The following TBXAS1 variants were observed in gnomAD, a reference collection of about 807,000 sequenced individuals.
TBXAS1 encodes thromboxane A synthase 1, also known as thromboxane-A synthase.
Under a neutral mutation model 60.7 loss-of-function variants are expected in TBXAS1, and 48 were observed. The ratio of observed to expected loss-of-function variants is 0.79; its 90% CI spans 0.63 to 1.01. The LOEUF (loss-of-function observed/expected upper bound fraction) is 1.01, where lower values mean the gene tolerates loss of function less well. Among genes scored for constraint, TBXAS1 ranks in the 50% least tolerant of loss-of-function variants. TBXAS1 has a pLI of 0.00. For synonymous variants in TBXAS1, 287 were observed against 269.7 expected (o/e 1.06, Z -0.63); for missense variants, 685 against 686.3 (o/e 1.00, Z 0.02).
chr7:139,938,064 A>G (rs746927446), intron 5 of TBXAS1, among the ~76,000 whole-genome samples: 14 of 152,226 alleles, frequency 9.2e-5, no homozygotes, highest in Non-Finnish European at 1.9e-4. Context: ...TGAAAAATAG[A>G]GTCCCCATCT....
At chr7:139,978,083 C>T (rs1233024535) in intron 9 of TBXAS1, among the ~76,000 whole-genome samples, 1 of 152,112 alleles carries the variant, frequency 6.6e-6, no homozygotes, top group Non-Finnish European at 1.5e-5. Flanking sequence ...GCCAGCTGTT[C>T]CTCTGTGGGG....
At chr7:139,984,506 G>T (rs1812194877) in intron 9 of TBXAS1, among the ~76,000 whole-genome samples, 1 of 151,198 alleles carries the variant, frequency 6.6e-6, no homozygotes, top group African/African-American at 2.4e-5. Flanking sequence ...TTTTGAACTA[G>T]AAATTTTTCT....
intron 9 of TBXAS1, among the ~76,000 whole-genome samples, chr7:139,969,624 C>G (rs911548118): frequency 6.6e-6 from 1 of 152,100 alleles, no homozygotes; most frequent in African/African-American, 2.4e-5. Context: ...GTGGATCTCA[C>G]CCAGGGAGGA....
rs8192851 is a variant in TBXAS1, at chr7:139,987,505, T to G, written c.1135-19586T>G. Among the ~76,000 whole-genome samples, 97 of 152,280 alleles carry G rather than the reference T, an allele frequency of 6.4e-4. No individual in the cohort carries two copies. The East Asian group carries it at 0.017, about 27-fold the overall frequency. Reference sequence around the variant, plus strand: ...CCTTTGGTTTAACTGCATTTTACTCTTTCCAGCCTGTCTGGCCATTATTCT... The same window carrying G: ...CCTTTGGTTTAACTGCATTTTACTCGTTCCAGCCTGTCTGGCCATTATTCT... On this transcript the variant is annotated intron_variant, in intron 9 of 12. Transcript: ENST00000448866.
At chr7:139,944,350 A>G (rs1196673233) in intron 5 of TBXAS1, among the ~76,000 whole-genome samples, 1 of 152,226 alleles carries the variant, frequency 6.6e-6, no homozygotes, top group Non-Finnish European at 1.5e-5. Flanking sequence ...AACACAGAGT[A>G]CATGTAAGGG....
At chr7:139,989,136 T>C (rs537183454) in intron 9 of TBXAS1, among the ~76,000 whole-genome samples, 1 of 152,378 alleles carries the variant, frequency 6.6e-6, no homozygotes, top group South Asian at 2.1e-4. Flanking sequence ...ACGTGGGCAC[T>C]GAGCTCTTTT....
At chr7:139,969,688 T>C (rs1811053522) in intron 9 of TBXAS1, among the ~76,000 whole-genome samples, 1 of 152,172 alleles carries the variant, frequency 6.6e-6, no homozygotes, top group African/African-American at 2.4e-5. Flanking sequence ...TTTTTCCCCA[T>C]GGGGAAGGTT....
chr7:140,007,018 T>G, intron 9 of TBXAS1, 73 bp from the exon 10 acceptor site: 3 of 1,422,460 alleles, frequency 2.1e-6, no homozygotes, highest in Non-Finnish European at 3.0e-6. Context: ...AGATTGAAAT[T>G]TAAGGAAAAG....
At chr7:140,006,066 G>T (rs1412158612) in intron 9 of TBXAS1, among the ~76,000 whole-genome samples, 1 of 152,226 alleles carries the variant, frequency 6.6e-6, no homozygotes, top group Non-Finnish European at 1.5e-5. Context: ...AACGTTGGCG[G>T]CTTGAGAATG....
intron 9 of TBXAS1, among the ~76,000 whole-genome samples, chr7:139,969,417 T>C (rs1002549595): frequency 2.0e-4 from 26 of 128,084 alleles, no homozygotes; most frequent in Admixed American, 1.6e-3. Flanking sequence ...CTTGAAGCAG[T>C]CAGAGGATCT....
intron 8 of TBXAS1, among the ~76,000 whole-genome samples, chr7:139,958,836 A>C (rs1810090872): frequency 6.6e-6 from 1 of 152,232 alleles, no homozygotes; most frequent in African/African-American, 2.4e-5. Flanking sequence ...GTGCGGGAAG[A>C]AGCAGCTAAC....
At chr7:140,012,891 A>G (rs1189218120) in intron 10 of TBXAS1, among the ~76,000 whole-genome samples, 1 of 152,218 alleles carries the variant, frequency 6.6e-6, no homozygotes, top group African/African-American at 2.4e-5. Flanking sequence ...AGGTCTGAAG[A>G]GTGACAGCAC....
intron 3 of TBXAS1, among the ~76,000 whole-genome samples, chr7:139,902,274 C>T (rs1804643081): frequency 6.6e-6 from 1 of 151,984 alleles, no homozygotes; most frequent in South Asian, 2.1e-4. Context: ...CACCCATCAC[C>T]ACCCCCATCC....
intron 6 of TBXAS1, among the ~76,000 whole-genome samples, chr7:139,954,201 A>C (rs578098033): frequency 6.6e-6 from 1 of 152,212 alleles, no homozygotes; most frequent in Non-Finnish European, 1.5e-5. Flanking sequence ...TCATCCAGAA[A>C]TTTATTCATT....
chr7:140,019,901 C>T (rs1156379528), intron 12 of TBXAS1, 124 bp from the exon 13 acceptor site: 19 of 889,700 alleles, frequency 2.1e-5, no homozygotes, highest in South Asian at 1.1e-4. Context: ...TGGGGCTTTG[C>T]TCTCTGCTTT....
At chr7:139,886,448 C>T (rs1016739397) in intron 3 of TBXAS1, among the ~76,000 whole-genome samples, 3 of 148,796 alleles carry the variant, frequency 2.0e-5, no homozygotes, top group African/African-American at 5.0e-5. Flanking sequence ...AACCTTTGCC[C>T]GGAATCTATG....
At chr7:139,954,259 A>C (rs1026921906) in intron 6 of TBXAS1, among the ~76,000 whole-genome samples, 1 of 152,238 alleles carries the variant, frequency 6.6e-6, no homozygotes, top group African/African-American at 2.4e-5. Context: ...CAACACTGGT[A>C]TTGCACCAGT....
intron 9 of TBXAS1, among the ~76,000 whole-genome samples, chr7:140,005,422 C>T (rs1042856102): frequency 2.0e-5 from 3 of 150,962 alleles, no homozygotes; most frequent in African/African-American, 4.9e-5. Context: ...GAAAAAGACT[C>T]TGTCTCAAAA....
chr7:139,843,231 G>A (rs923994490), intron 1 of TBXAS1, among the ~76,000 whole-genome samples: 23 of 152,072 alleles, frequency 1.5e-4, no homozygotes, highest in African/African-American at 5.6e-4. Flanking sequence ...TTCCATAAAG[G>A]TCTCCTCCAT....
Sources: gnomAD v4.1 joint callset for allele counts (sites outside exome capture counted in the v4.1 genomes callset) on GRCh38, gnomAD v4.1.1 for gene constraint, MANE v1.5 for transcripts, NCBI Gene and HGNC (gene_info 2026-07-23, HGNC 2026-07-21) for gene names.